The following MED20 variants were observed in gnomAD, a reference collection of about 807,000 sequenced individuals.
MED20 encodes mediator complex subunit 20, also known as mediator of RNA polymerase II transcription subunit 20.
MED20 carries 19 observed loss-of-function variants against 19.7 expected under a neutral mutation model. The ratio of observed to expected loss-of-function variants is 0.96; its 90% CI spans 0.67 to 1.42. MED20 has a LOEUF of 1.42. Ranked by LOEUF, MED20 falls within the 40% of genes most tolerant of loss-of-function variation. The pLI, the probability that MED20 is intolerant of heterozygous loss-of-function variation, is 0.00. For synonymous variants in MED20, 105 were observed against 104.8 expected, an observed-to-expected ratio of 1.00 and a Z score of -0.01; for missense variants, 225 against 273.0, an observed-to-expected ratio of 0.82 and a Z score of 1.24.
At chr6:41,919,349 T>C (rs929076193) in intron 1 of MED20, among the ~76,000 whole-genome samples, 1 of 152,042 alleles carries the variant, frequency 6.6e-6, no homozygotes, top group African/African-American at 2.4e-5. Context: ...TAATAAACAA[T>C]AGTACAAGCA....
At chr6:41,913,417 G>C (rs1260908484) in intron 2 of MED20, among the ~76,000 whole-genome samples, 1 of 152,158 alleles carries the variant, frequency 6.6e-6, no homozygotes. Flanking sequence ...GCCCACACCA[G>C]GTAGTTTCAC....
chr6:41,915,779 T>TC (rs1470430482), intron 2 of MED20, among the ~76,000 whole-genome samples: 2 of 39,558 alleles, frequency 5.1e-5, no homozygotes, highest in Non-Finnish European at 9.5e-5. Flanking sequence ...AGAGCCAGAC[T>TC]CCGTCTCAAA....
At chr6:41,915,761 T>C (rs1472062224) in intron 2 of MED20, among the ~76,000 whole-genome samples, 2 of 133,142 alleles carry the variant, frequency 1.5e-5, no homozygotes, top group Non-Finnish European at 3.2e-5. Flanking sequence ...CACTCCAGCC[T>C]GGGCGACAGA....
chr6:41,913,754 C>T (rs1775251070), intron 2 of MED20, among the ~76,000 whole-genome samples: 1 of 152,050 alleles, frequency 6.6e-6, no homozygotes, highest in Non-Finnish European at 1.5e-5. Context: ...AAAAATGAGC[C>T]AGGCGTGGTG....
In MED20 at chr6:41,906,283, T is replaced by C. The variant is rs1775045256; in HGVS notation, c.*789A>G. 1 of 152,198 alleles carries C rather than the reference T, an allele frequency of 6.6e-6. No homozygotes were observed. Among genetic ancestry groups the C allele is most frequent in the African/African-American group, 2.4e-5 (1 of 41,430 alleles). The allele number at this position is 152,198 out of a possible 1,614,324, so 9.4% of individuals were successfully genotyped here. A position where few individuals can be genotyped will look rare whatever the true frequency, so the allele number is the denominator to read the frequency against. On this transcript the variant is annotated 3_prime_UTR_variant, in exon 4 of 4. Transcript: ENST00000265350. ...GGAATGCAGATATGGAGCTGATGAG[T>C]CTGCTTTGATCTTATGGGTAAGAAA... is the stretch of plus-strand genomic sequence containing the variant.
chr6:41,917,849 G>T (rs537411787), intron 1 of MED20: 11 of 464,960 alleles, frequency 2.4e-5, no homozygotes, highest in Admixed American at 4.7e-5. Context: ...CAGGTGGCTG[G>T]GACTAGTGTA....
Position 41,907,230 on chromosome 6 carries a change from G to C in MED20, c.481C>G (p.Leu161Val), listed in dbSNP as rs552477640. 2.1e-5 allele frequency: 34 copies of C among 1,614,020 alleles called. No homozygotes were observed. The Admixed American group carries it at 2.5e-4, about 12-fold the overall frequency. The change falls in exon 4 of 4, where the codon CTA becomes GTA. Residue 161 changes from leucine (L) to valine (V), a missense_variant. Transcript: ENST00000265350. Reference sequence around the variant, plus strand: ...GTGTGGCTGCCTAGAAAACTCTGTAGGAACTCGAGCAGCAGACTCCAGCAG... The same window carrying C: ...GTGTGGCTGCCTAGAAAACTCTGTACGAACTCGAGCAGCAGACTCCAGCAG... ...SDCWSLLLEF[L>V]QSFLGSHTPG...
At position 41,918,147 on chromosome 6, in the gene MED20, T is replaced by A. The variant is rs76032968; in HGVS notation, c.15-1208A>T. Among the ~76,000 whole-genome samples the A allele has an allele frequency of 3.4e-3, 519 of 152,284 alleles. 4 individuals are homozygous for A. The highest frequency in any genetic ancestry group is 0.012 in the African/African-American group (486 of 41,562). ...CAGACTGCATCCTAAGGCCTTTAGA[T>A]GAATTAACTCTCCAAATCCTCACGA... On this transcript the variant is annotated intron_variant, in intron 1 of 3. Transcript: ENST00000265350.
intron 2 of MED20, among the ~76,000 whole-genome samples, chr6:41,914,049 T>C (rs774284706): frequency 6.6e-6 from 1 of 152,234 alleles, no homozygotes; most frequent in Non-Finnish European, 1.5e-5. Flanking sequence ...CCATGTCAGA[T>C]AGTTTTGGTA....
chr6:41,909,020 TAAA>T (rs374330646), intron 3 of MED20: 30 of 440,780 alleles, frequency 6.8e-5, no homozygotes, highest in South Asian at 2.2e-4. Flanking sequence ...TCATTTCTAC[TAAA>T]AAAAAAAAAA....
chr6:41,920,793 A>G (rs184801111), intron 1 of MED20: 68 of 519,548 alleles, frequency 1.3e-4, no homozygotes, highest in Middle Eastern at 1.1e-3. Context: ...CAAAACAAAA[A>G]AAAAACCTTT....
chr6:41,916,960 T>C (rs1373816047), intron 1 of MED20, 21 bp from the exon 2 acceptor site: 1 of 1,613,134 alleles, frequency 6.2e-7, no homozygotes, highest in East Asian at 2.2e-5. Flanking sequence ...GAGCACCAAA[T>C]CGTCAGTTAT....
Position 41,916,953 on chromosome 6 carries a change from C to A in MED20, c.15-14G>T, listed in dbSNP as rs1775330571. ...ATCTGGGACACACTGGAAAGGAGAGCACCAAATCGTCAGTTATCCAGAGAC... is the reference window on the plus strand; with the variant it reads ...ATCTGGGACACACTGGAAAGGAGAGAACCAAATCGTCAGTTATCCAGAGAC... On this transcript the variant is annotated splice_polypyrimidine_tract_variant and intron_variant, in intron 1 of 3. Coordinates refer to ENST00000265350, the MANE Select transcript of MED20 (RefSeq NM_004275.5). 1.2e-6 allele frequency: 2 copies of A among 1,613,538 alleles called. No homozygotes were observed.
At chr6:41,919,290 A>G (rs1221057478) in intron 1 of MED20, among the ~76,000 whole-genome samples, 1 of 152,190 alleles carries the variant, frequency 6.6e-6, no homozygotes, top group Non-Finnish European at 1.5e-5. Context: ...GACTGCCTGT[A>G]TAAGGATGTA....
chr6:41,908,241 G>T (rs1293266101), intron 3 of MED20, among the ~76,000 whole-genome samples: 1 of 152,210 alleles, frequency 6.6e-6, no homozygotes, highest in East Asian at 1.9e-4. Flanking sequence ...GAGTTTGTGT[G>T]TTTCAGCCTC....
Position 41,907,250 on chromosome 6 carries a change from C to T in MED20, c.461G>A (p.Trp154Ter), listed in dbSNP as rs757471497. The change falls in exon 4 of 4, where the codon TGG becomes TAG. Residue 154 changes from tryptophan to a stop codon, truncating the protein, a stop_gained. Transcript: ENST00000265350. LOFTEE classifies it high-confidence loss of function. ...YGPCVVASDC[W>*]SLLLEFLQSF... ...CTGTAGGAACTCGAGCAGCAGACTC[C>T]AGCAGTCACTAGCTACCACACAGGG... 6.2e-7 allele frequency: 1 copy of T among 1,613,830 alleles called. No homozygotes were observed. The highest frequency in any genetic ancestry group is 1.3e-5 in the African/African-American group (1 of 74,978).
In MED20 at chr6:41,905,389, T is replaced by TA. The variant is rs1775021356; in HGVS notation, c.*1682dup. 1 of 152,122 alleles carries TA rather than the reference T, an allele frequency of 6.6e-6. No individual in the cohort carries two copies. The highest frequency in any genetic ancestry group is 1.5e-5 in the Non-Finnish European group (1 of 68,016). 9.4% of individuals were successfully genotyped at this position (152,122 alleles called of 1,614,324 possible). On this transcript the variant is annotated 3_prime_UTR_variant, in exon 4 of 4. Coordinates refer to ENST00000265350, the MANE Select transcript of MED20 (RefSeq NM_004275.5). ...GCGTTTTATTTTTGTAAACTATATC[T>TA]AAAACATACCTCAATATAAAAAACC...
At chr6:41,911,656 CG>C (rs1775197880) in intron 2 of MED20, among the ~76,000 whole-genome samples, 2 of 152,050 alleles carry the variant, frequency 1.3e-5, no homozygotes, top group Non-Finnish European at 2.9e-5. Flanking sequence ...ACATTCTAGA[CG>C]GGGGTAAGAG....
intron 1 of MED20, among the ~76,000 whole-genome samples, chr6:41,918,714 G>A (rs939001421): frequency 2.7e-5 from 4 of 150,608 alleles, no homozygotes; most frequent in African/African-American, 4.9e-5. Flanking sequence ...TTGGGAGGCC[G>A]AGGCGGGTGG....
Sources: allele counts gnomAD v4.1 joint callset (sites outside exome capture counted in the v4.1 genomes callset), GRCh38; gene constraint gnomAD v4.1.1; transcripts MANE v1.5; gene names NCBI Gene and HGNC (gene_info 2026-07-23, HGNC 2026-07-21).